Variants in TBC1D23 observed in about 807,000 individuals in gnomAD.
TBC1D23 encodes the protein TBC1 domain family member 23.
In TBC1D23, 55 loss-of-function variants were observed where a neutral mutation model predicts 91.4. The observed-to-expected ratio is 0.60, with a 90% confidence interval of 0.48 to 0.75. TBC1D23 has a LOEUF of 0.75. Among genes scored for constraint, TBC1D23 ranks in the 30% least tolerant of loss-of-function variants. TBC1D23 has a pLI of 0.00. For missense variants in TBC1D23, 725 were observed against 836.1 expected (o/e 0.87, Z 1.64); for synonymous variants, 289 against 281.0 (o/e 1.03, Z -0.28).
intron 10 of TBC1D23, among the ~76,000 whole-genome samples, chr3:100,301,345 T>C (rs910668359): frequency 1.6e-4 from 24 of 152,166 alleles, no homozygotes; most frequent in African/African-American, 4.6e-4. Flanking sequence ...ATTGGCATTA[T>C]TGGATATTAT....
At chr3:100,290,119 A>G (rs1266163584) in intron 4 of TBC1D23, among the ~76,000 whole-genome samples, 1 of 152,104 alleles carries the variant, frequency 6.6e-6, no homozygotes, top group African/African-American at 2.4e-5. Flanking sequence ...ACAGTTTTTA[A>G]GGCCATTATT....
intron 4 of TBC1D23, among the ~76,000 whole-genome samples, chr3:100,284,497 C>T (rs2067723557): frequency 6.6e-6 from 1 of 152,082 alleles, no homozygotes; most frequent in Non-Finnish European, 1.5e-5. Flanking sequence ...GAAATATAGG[C>T]ATTGAACAAG....
chr3:100,294,159 T>C (rs986359677), intron 5 of TBC1D23, among the ~76,000 whole-genome samples: 1 of 152,216 alleles, frequency 6.6e-6, no homozygotes, highest in African/African-American at 2.4e-5. Flanking sequence ...TATTACTTCA[T>C]GCAACTTAAA....
intron 8 of TBC1D23, among the ~76,000 whole-genome samples, chr3:100,297,369 T>G (rs1357735599): frequency 6.6e-6 from 1 of 152,228 alleles, no homozygotes; most frequent in African/African-American, 2.4e-5. Flanking sequence ...TTTCAACTAT[T>G]TTAATAATTT....
At chr3:100,294,998 T>C in intron 5 of TBC1D23, 89 bp from the exon 6 acceptor site, 3 of 1,271,268 alleles carry the variant, frequency 2.4e-6, no homozygotes, top group Non-Finnish European at 3.2e-6. Context: ...TAATTTGATA[T>C]AATGTTTCTT....
intron 9 of TBC1D23, among the ~76,000 whole-genome samples, chr3:100,298,408 A>G (rs1318079238): frequency 1.3e-5 from 2 of 152,230 alleles, no homozygotes; most frequent in East Asian, 3.8e-4. Flanking sequence ...ATTGAATTAC[A>G]TGGTTTAGTT....
At chr3:100,307,547 G>A (rs551428825) in intron 13 of TBC1D23, among the ~76,000 whole-genome samples, 6 of 152,298 alleles carry the variant, frequency 3.9e-5, no homozygotes, top group African/African-American at 1.4e-4. Flanking sequence ...TAGTTATTAC[G>A]AAATTGTAAC....
chr3:100,281,526 C>T (rs1559803324), intron 2 of TBC1D23, among the ~76,000 whole-genome samples: 1 of 151,952 alleles, frequency 6.6e-6, no homozygotes, highest in Non-Finnish European at 1.5e-5. Flanking sequence ...TTATTGTATT[C>T]ACTAAATCAA....
At chr3:100,283,547 T>C in intron 3 of TBC1D23, 60 bp from the exon 4 acceptor site, 3 of 1,078,756 alleles carry the variant, frequency 2.8e-6, no homozygotes, top group South Asian at 1.4e-5. Flanking sequence ...ACAAGTGTTA[T>C]GTCCAATAAC....
At chr3:100,315,013 TGTTA>T (rs1174840743) in intron 15 of TBC1D23, among the ~76,000 whole-genome samples, 9 of 152,170 alleles carry the variant, frequency 5.9e-5, no homozygotes, top group Non-Finnish European at 1.0e-4. Context: ...TAATTTTACC[TGTTA>T]GTTTATTTGG....
At chr3:100,273,601 G>A (rs967411259) in intron 1 of TBC1D23, among the ~76,000 whole-genome samples, 23 of 152,102 alleles carry the variant, frequency 1.5e-4, no homozygotes, top group African/African-American at 4.6e-4. Context: ...AAGGCATCAC[G>A]CTACCTGACT....
At chr3:100,296,860 C>CAAA (rs71625559) in intron 8 of TBC1D23, among the ~76,000 whole-genome samples, 2 of 86,644 alleles carry the variant, frequency 2.3e-5, no homozygotes, top group Non-Finnish European at 2.3e-5. Flanking sequence ...GACTCTGTCT[C>CAAA]AAAAAAAAAA....
At position 100,323,746 on chromosome 3, in the gene TBC1D23, C is replaced by T; in HGVS notation, c.*78C>T. ...CATATACCTCCTGACTGAATACTAA[C>T]TGGAGACCTTTCATTTGCTCATGGG... On this transcript the variant is annotated 3_prime_UTR_variant, in exon 19 of 19. Coordinates refer to ENST00000394144, the MANE Select transcript of TBC1D23 (RefSeq NM_001199198.3). The T allele has an allele frequency of 1.7e-6, 1 of 596,918 alleles. No individual in the cohort carries two copies. The highest frequency in any genetic ancestry group is 2.5e-6 in the Non-Finnish European group (1 of 393,624). The allele number at this position is 596,918 out of a possible 1,614,324, so 37.0% of individuals were successfully genotyped here.
chr3:100,265,694 AGTTT>A (rs1287150325), intron 1 of TBC1D23, among the ~76,000 whole-genome samples: 2 of 152,130 alleles, frequency 1.3e-5, no homozygotes, highest in Non-Finnish European at 2.9e-5. Flanking sequence ...TGAAATTGGG[AGTTT>A]GTTTAATTAA....
chr3:100,320,736 C>T lies in TBC1D23; in HGVS notation c.1824-41C>T, dbSNP rs747559625. 2.3e-6 allele frequency: 3 copies of T among 1,284,166 alleles called. No individual in the cohort carries two copies. The Admixed American group carries it at 7.9e-5, about 34-fold the overall frequency. 79.5% of individuals were successfully genotyped at this position (1,284,166 alleles called of 1,614,324 possible). On this transcript the variant is annotated intron_variant, in intron 17 of 18. Transcript: ENST00000394144. ...CAACACCTGTTTTGAATTAAATTTA[C>T]TTAAAAATTCTTTTTCTTTTAATGC...
intron 1 of TBC1D23, chr3:100,267,309 A>G (rs2067565219): frequency 2.3e-6 from 1 of 426,950 alleles, no homozygotes; most frequent in East Asian, 7.2e-5. Flanking sequence ...AAAGAATTTA[A>G]GAGCCACTTA....
chr3:100,283,374 A>G (rs2067711436), intron 3 of TBC1D23, among the ~76,000 whole-genome samples: 3 of 146,668 alleles, frequency 2.0e-5, no homozygotes, highest in Admixed American at 2.0e-4. Context: ...CTCCGTCTCA[A>G]AAAAAAAAAA....
At chr3:100,264,116 G>A (rs2067537701) in intron 1 of TBC1D23, among the ~76,000 whole-genome samples, 1 of 152,138 alleles carries the variant, frequency 6.6e-6, no homozygotes, top group South Asian at 2.1e-4. Flanking sequence ...TAAAGGCTCT[G>A]TTCTTAGAGT....
intron 13 of TBC1D23, among the ~76,000 whole-genome samples, chr3:100,308,401 G>C (rs1020957757): frequency 2.0e-5 from 3 of 152,056 alleles, no homozygotes; most frequent in African/African-American, 7.2e-5. Context: ...TGTGAACCCG[G>C]GAGGCGGAGC....
Sources: allele counts gnomAD v4.1 joint callset (sites outside exome capture counted in the v4.1 genomes callset), GRCh38; gene constraint gnomAD v4.1.1; transcripts MANE v1.5; gene names NCBI Gene and HGNC (gene_info 2026-07-23, HGNC 2026-07-21).